The following TMEM108 variants were observed in gnomAD, a reference collection of about 807,000 sequenced individuals.
TMEM108 encodes transmembrane protein 108, also known as cancer/testis antigen 124.
Under a neutral mutation model 35.1 loss-of-function variants are expected in TMEM108, and 12 were observed. The ratio of observed to expected loss-of-function variants is 0.34; its 90% CI spans 0.22 to 0.55. The LOEUF (loss-of-function observed/expected upper bound fraction) is 0.55, where lower values mean the gene tolerates loss of function less well. TMEM108 is among the 20% of genes least tolerant of loss of function. The pLI, the probability that TMEM108 is intolerant of heterozygous loss-of-function variation, is 0.89. For synonymous variants in TMEM108, 287 were observed against 308.6 expected, an observed-to-expected ratio of 0.93 and a Z score of 0.73; for missense variants, 680 against 753.3, an observed-to-expected ratio of 0.90 and a Z score of 1.14.
chr3:133,325,753 T>C (rs1272121555), intron 3 of TMEM108, among the ~76,000 whole-genome samples: 1 of 150,260 alleles, frequency 6.7e-6, no homozygotes, highest in South Asian at 2.1e-4. Context: ...AAATAAAAAA[T>C]ATATAATTTT....
At chr3:133,154,703 G>A (rs1470790792) in intron 2 of TMEM108, among the ~76,000 whole-genome samples, 2 of 151,848 alleles carry the variant, frequency 1.3e-5, no homozygotes, top group Non-Finnish European at 2.9e-5. Context: ...ACACACTGGG[G>A]ACTGTTGTGG....
intron 3 of TMEM108, among the ~76,000 whole-genome samples, chr3:133,255,993 C>G (rs988655890): frequency 3.3e-5 from 5 of 152,062 alleles, no homozygotes; most frequent in Non-Finnish European, 7.4e-5. Flanking sequence ...GAGTCTCCTT[C>G]TCAAAAATAA....
rs1242677372 is a variant in TMEM108, at chr3:133,126,649, T to C, written c.-47+80629T>C. Among the ~76,000 whole-genome samples, 3 of 152,202 alleles carry C rather than the reference T, an allele frequency of 2.0e-5. No homozygotes were observed. In the East Asian group the frequency reaches 5.8e-4, roughly 29 times the overall value. On this transcript the variant is annotated intron_variant, in intron 2 of 5. Coordinates refer to ENST00000321871, the MANE Select transcript of TMEM108 (RefSeq NM_023943.4). The stretch of plus-strand genomic sequence containing the variant: ...AAACATGAAATTAATTTTAACAGTA[T>C]ATTTTATGTTGCTTAATATATTCAA...
intron 2 of TMEM108, among the ~76,000 whole-genome samples, chr3:133,181,038 A>AAAAAAAAAAAAAAAAAAAAAAAAAAAC (rs869218859): frequency 7.9e-6 from 1 of 126,444 alleles, no homozygotes; most frequent in African/African-American, 2.9e-5. Context: ...AAAAAAAAAA[A>AAAAAAAAAAAAAAAAAAAAAAAAAAAC]CAGCACTCCC....
chr3:133,286,005 C>A (rs1946979382), intron 3 of TMEM108, among the ~76,000 whole-genome samples: 1 of 152,210 alleles, frequency 6.6e-6, no homozygotes, highest in Non-Finnish European at 1.5e-5. Context: ...ATAATATTTC[C>A]AGTTATAGCA....
intron 3 of TMEM108, among the ~76,000 whole-genome samples, chr3:133,364,493 C>T (rs1484860375): frequency 2.6e-5 from 4 of 152,082 alleles, no homozygotes; most frequent in East Asian, 1.9e-4. Context: ...AATTTGAAAT[C>T]GCCTAGTCAT....
At chr3:133,134,713 G>A (rs1361200745) in intron 2 of TMEM108, among the ~76,000 whole-genome samples, 1 of 152,214 alleles carries the variant, frequency 6.6e-6, no homozygotes, top group African/African-American at 2.4e-5. Context: ...TGGATTTAGT[G>A]TAACTGTCAC....
intron 3 of TMEM108, among the ~76,000 whole-genome samples, chr3:133,331,722 T>C (rs1215716858): frequency 6.6e-6 from 1 of 152,198 alleles, no homozygotes; most frequent in Non-Finnish European, 1.5e-5. Context: ...TGGCCCTCTG[T>C]GTTCAATGAT....
chr3:133,247,822 AG>A (rs1946409190), intron 3 of TMEM108: 1 of 152,154 alleles, frequency 6.6e-6, no homozygotes, highest in African/African-American at 2.4e-5. Context: ...AAGAGTTCCC[AG>A]GCCAGTGGAG....
chr3:133,204,910 C>G (rs1428417946), intron 2 of TMEM108, among the ~76,000 whole-genome samples: 1 of 152,154 alleles, frequency 6.6e-6, no homozygotes, highest in African/African-American at 2.4e-5. Flanking sequence ...GTGTTAAAGT[C>G]TCCCGCTATT....
intron 2 of TMEM108, among the ~76,000 whole-genome samples, chr3:133,135,622 A>T (rs1399396573): frequency 1.3e-5 from 2 of 152,204 alleles, no homozygotes; most frequent in South Asian, 4.1e-4. Context: ...ATTTAGAGGT[A>T]AACTGTGTGA....
chr3:133,133,028 T>G (rs1944511418), intron 2 of TMEM108, among the ~76,000 whole-genome samples: 1 of 152,198 alleles, frequency 6.6e-6, no homozygotes, highest in Non-Finnish European at 1.5e-5. Flanking sequence ...CTTGAAGGGA[T>G]GAAGAGTTGC....
chr3:133,128,089 A>G (rs1292083609), intron 2 of TMEM108, among the ~76,000 whole-genome samples: 1 of 152,234 alleles, frequency 6.6e-6, no homozygotes, highest in African/African-American at 2.4e-5. Context: ...TAGCCTTGCC[A>G]GAAGTTTTGC....
At chr3:133,267,493 G>C (rs544943467) in intron 3 of TMEM108, among the ~76,000 whole-genome samples, 1 of 152,230 alleles carries the variant, frequency 6.6e-6, no homozygotes, top group Non-Finnish European at 1.5e-5. Context: ...CCAGCACTAT[G>C]TGGGAAACTA....
At chr3:133,169,404 C>G (rs1244906071) in intron 2 of TMEM108, among the ~76,000 whole-genome samples, 1 of 152,130 alleles carries the variant, frequency 6.6e-6, no homozygotes, top group Admixed American at 6.5e-5. Context: ...AAACAGAACT[C>G]TAAAATATCT....
At chr3:133,288,877 G>T (rs934240961) in intron 3 of TMEM108, among the ~76,000 whole-genome samples, 1 of 151,846 alleles carries the variant, frequency 6.6e-6, no homozygotes, top group Non-Finnish European at 1.5e-5. Context: ...CTGGGACTAC[G>T]GGTGTGTGCC....
intron 3 of TMEM108, among the ~76,000 whole-genome samples, chr3:133,359,510 TAGG>T (rs1559925812): frequency 6.6e-6 from 1 of 151,972 alleles, no homozygotes; most frequent in Non-Finnish European, 1.5e-5. Flanking sequence ...GTGTGAAAAG[TAGG>T]AGAGGGAAAA....
intron 2 of TMEM108, among the ~76,000 whole-genome samples, chr3:133,227,077 T>C (rs1463203543): frequency 1.3e-5 from 2 of 152,038 alleles, no homozygotes; most frequent in African/African-American, 4.8e-5. Flanking sequence ...ACCAGGTCCT[T>C]CCCACAACAT....
At position 133,382,147 on chromosome 3, in the gene TMEM108, C is replaced by T. The variant is rs956258610; in HGVS notation, c.1450+986C>T. Among the ~76,000 whole-genome samples, 121 of 152,296 alleles carry T rather than the reference C, an allele frequency of 7.9e-4. 1 individual carries two copies. Among genetic ancestry groups the T allele is most frequent in the African/African-American group, 2.7e-3 (112 of 41,550 alleles). ...CAGGAATCCTCAGCCACACCCCACCCCAAATGGTTACCATCTGCCACTCCC... is the reference window on the plus strand; with the variant it reads ...CAGGAATCCTCAGCCACACCCCACCTCAAATGGTTACCATCTGCCACTCCC... On this transcript the variant is annotated intron_variant, in intron 4 of 5. Coordinates refer to ENST00000321871, the MANE Select transcript of TMEM108 (RefSeq NM_023943.4).
Sources: allele counts gnomAD v4.1 joint callset (sites outside exome capture counted in the v4.1 genomes callset), GRCh38; gene constraint gnomAD v4.1.1; transcripts MANE v1.5; gene names NCBI Gene and HGNC (gene_info 2026-07-23, HGNC 2026-07-21).